PDE11A: variants seen among roughly 807,000 people sequenced by gnomAD.
PDE11A encodes the protein dual 3',5'-cyclic-AMP and -GMP phosphodiesterase 11A.
PDE11A carries 100 observed loss-of-function variants against 100.5 expected under a neutral mutation model. The ratio of observed to expected loss-of-function variants is 1.00; its 90% CI spans 0.85 to 1.18. The LOEUF (loss-of-function observed/expected upper bound fraction) is 1.18, where lower values mean the gene tolerates loss of function less well. PDE11A is among the 50% of genes most tolerant of loss of function. The pLI is 0.00. For synonymous variants in PDE11A, 381 were observed against 420.8 expected (o/e 0.91, Z 1.16); for missense variants, 1,141 against 1,152.6 (o/e 0.99, Z 0.15).
At chr2:177,703,859 G>T (rs1024859568) in intron 13 of PDE11A, among the ~76,000 whole-genome samples, 1 of 152,178 alleles carries the variant, frequency 6.6e-6, no homozygotes, top group African/African-American at 2.4e-5. Context: ...GCGTAGGATG[G>T]AGGCCTCTCT....
chr2:177,645,792 C>A (rs1047131113), intron 19 of PDE11A, among the ~76,000 whole-genome samples: 5 of 152,122 alleles, frequency 3.3e-5, no homozygotes, highest in Non-Finnish European at 7.3e-5. Flanking sequence ...CAAGTTATAA[C>A]AAAAGATGAT....
At chr2:177,769,250 C>T (rs2082277964) in intron 10 of PDE11A, 73 bp downstream of exon 10, 3 of 845,578 alleles carry the variant, frequency 3.5e-6, no homozygotes, top group Admixed American at 1.7e-5. Context: ...TCTCTAGAGG[C>T]ATGTGACAGA....
At position 177,848,532 on chromosome 2, in the gene PDE11A, G is replaced by T. The variant is rs555194795; in HGVS notation, c.1368-8149C>A. The stretch of plus-strand genomic sequence containing the variant: ...GGTTTTTAAGTGAGTTTCACGTAAA[G>T]GGCTGTAGTTTAGATTCTTCTCAGT... On this transcript the variant is annotated intron_variant, in intron 5 of 19. Transcript: ENST00000286063. Among the ~76,000 whole-genome samples, 6 of 152,294 alleles carry T rather than the reference G, an allele frequency of 3.9e-5. No individual in the cohort carries two copies. In the South Asian group the frequency reaches 1.0e-3, roughly 26 times the overall value.
intron 2 of PDE11A, among the ~76,000 whole-genome samples, chr2:177,990,779 T>C (rs1159724959): frequency 1.4e-5 from 2 of 145,480 alleles, no homozygotes; most frequent in East Asian, 4.1e-4. Flanking sequence ...GGTAGCGTGG[T>C]GGCTCATGCC....
intron 2 of PDE11A, among the ~76,000 whole-genome samples, chr2:177,933,531 A>G (rs941090462): frequency 2.0e-5 from 3 of 152,032 alleles, no homozygotes; most frequent in African/African-American, 7.2e-5. Context: ...AAATACAAAA[A>G]TTAGCTGGGC....
intron 15 of PDE11A, chr2:177,688,122 A>G (rs1207156791): frequency 6.6e-6 from 1 of 152,228 alleles, no homozygotes; most frequent in Non-Finnish European, 1.5e-5. Context: ...TTGTAAGTGT[A>G]TGGACAGTGG....
At chr2:177,725,444 G>A (rs138477639) in intron 12 of PDE11A, among the ~76,000 whole-genome samples, 9 of 152,164 alleles carry the variant, frequency 5.9e-5, no homozygotes, top group African/African-American at 1.7e-4. Flanking sequence ...ACAAAATAAC[G>A]TTGTATTCTT....
chr2:177,791,586 T>C (rs1440971695), intron 9 of PDE11A, among the ~76,000 whole-genome samples: 1 of 151,846 alleles, frequency 6.6e-6, no homozygotes, highest in Non-Finnish European at 1.5e-5. Context: ...GAGTCCAATG[T>C]ATGAACTCTA....
intron 1 of PDE11A, among the ~76,000 whole-genome samples, chr2:178,019,201 C>T (rs2086376925): frequency 6.6e-6 from 1 of 152,136 alleles, no homozygotes; most frequent in Non-Finnish European, 1.5e-5. Flanking sequence ...CCTTGGGAAA[C>T]ATTAAAATTA....
intron 4 of PDE11A, among the ~76,000 whole-genome samples, chr2:177,891,509 C>T (rs1240498816): frequency 6.6e-6 from 1 of 152,116 alleles, no homozygotes; most frequent in Non-Finnish European, 1.5e-5. Flanking sequence ...TTCTAAAGAG[C>T]CTTTACCTAC....
chr2:177,798,836 G>A (rs984094166), intron 9 of PDE11A, among the ~76,000 whole-genome samples: 1 of 152,108 alleles, frequency 6.6e-6, no homozygotes, highest in African/African-American at 2.4e-5. Flanking sequence ...CAAGGAGGTG[G>A]AGCATAACTC....
chr2:177,991,721 A>G (rs1477664251), intron 2 of PDE11A, among the ~76,000 whole-genome samples: 1 of 151,394 alleles, frequency 6.6e-6, no homozygotes, highest in Non-Finnish European at 1.5e-5. Context: ...ATAGAAAGTC[A>G]CATCAAACAA....
In PDE11A at chr2:177,791,930, C is replaced by T. The variant is rs558542873; in HGVS notation, c.1738-22557G>A. Among the ~76,000 whole-genome samples the T allele has an allele frequency of 5.3e-4, 80 of 152,200 alleles. No homozygotes were observed. The South Asian group carries it at 0.016, about 31-fold the overall frequency. ...AGAAATTGCCTATTTCTTTGGAAAA[C>T]GTTGCATGTGATAATGAGTCTTCTG... On this transcript the variant is annotated intron_variant, in intron 9 of 19. Coordinates refer to ENST00000286063, the MANE Select transcript of PDE11A (RefSeq NM_016953.4).
At chr2:178,049,843 A>T (rs1250186323) in intron 1 of PDE11A, among the ~76,000 whole-genome samples, 1 of 152,176 alleles carries the variant, frequency 6.6e-6, no homozygotes, top group Non-Finnish European at 1.5e-5. Flanking sequence ...AGGTAAACAA[A>T]GCGGCCAGGA....
chr2:177,737,855 C>T (rs964114555), intron 10 of PDE11A, among the ~76,000 whole-genome samples: 4 of 152,180 alleles, frequency 2.6e-5, no homozygotes, highest in Admixed American at 2.0e-4. Context: ...CCTAAATGCT[C>T]ATTGCAGTCT....
intron 1 of PDE11A, among the ~76,000 whole-genome samples, chr2:178,050,373 G>A (rs1447099275): frequency 3.9e-5 from 6 of 152,164 alleles, no homozygotes; most frequent in African/African-American, 9.6e-5. Context: ...AAAGACTAAA[G>A]GTAGACAAAA....
At chr2:177,783,703 G>A (rs1057145003) in intron 9 of PDE11A, among the ~76,000 whole-genome samples, 1 of 152,060 alleles carries the variant, frequency 6.6e-6, no homozygotes, top group Non-Finnish European at 1.5e-5. Context: ...CCACAAAAAC[G>A]CCTCTTATTG....
intron 2 of PDE11A, among the ~76,000 whole-genome samples, chr2:177,948,442 C>T (rs779350717): frequency 3.9e-5 from 6 of 152,152 alleles, no homozygotes; most frequent in Non-Finnish European, 7.4e-5. Context: ...TCCATCCCAG[C>T]TGGTCTTCTC....
chr2:177,965,584 C>T (rs1449137261), intron 2 of PDE11A, among the ~76,000 whole-genome samples: 12 of 152,274 alleles, frequency 7.9e-5, no homozygotes, highest in Non-Finnish European at 1.3e-4. Context: ...ATATGGTTAG[C>T]CAGTTATCCC....
Sources: allele counts gnomAD v4.1 joint callset (sites outside exome capture counted in the v4.1 genomes callset), GRCh38; gene constraint gnomAD v4.1.1; transcripts MANE v1.5; gene names NCBI Gene and HGNC (gene_info 2026-07-23, HGNC 2026-07-21).